The following ARAP2 variants were observed in gnomAD, a reference collection of about 807,000 sequenced individuals.
The protein encoded by ARAP2 is arf-GAP with Rho-GAP domain, ANK repeat and PH domain-containing protein 2.
Under a neutral mutation model 194.5 loss-of-function variants are expected in ARAP2, and 148 were observed. The observed-to-expected ratio is 0.76, with a 90% CI of 0.67 to 0.87. ARAP2 has a LOEUF of 0.87. ARAP2 is among the 40% of genes least tolerant of loss of function. The probability of loss-of-function intolerance (pLI) is 0.00; values close to 1 mark genes in which losing one functional copy is unlikely to be tolerated. For missense variants in ARAP2, 2,128 were observed against 1,989.7 expected, an observed-to-expected ratio of 1.07 and a Z score of -1.32; for synonymous variants, 695 against 683.5, an observed-to-expected ratio of 1.02 and a Z score of -0.26.
rs558156932 is a variant in ARAP2, at chr4:36,006,792, T to A, written n.1469+111A>T. ...AAATTCAAGAGGAAGTGACCTTTTA[T>A]ATAACATATACAAGCAAAGTATATT... On this transcript the variant is annotated intron_variant and non_coding_transcript_variant, in intron 10 of 12. Transcript: ENST00000503225. The A allele has an allele frequency of 2.4e-4, 37 of 152,324 alleles. 1 individual carries two copies. In the South Asian group the frequency reaches 7.7e-3, roughly 32 times the overall value. 9.4% of individuals were successfully genotyped at this position (152,324 alleles called of 1,614,324 possible). A position where few individuals can be genotyped will look rare whatever the true frequency, so the allele number is the denominator to read the frequency against.
intron 8 of ARAP2, among the ~76,000 whole-genome samples, chr4:36,182,468 C>G (rs1279581612): frequency 6.6e-6 from 1 of 151,122 alleles, no homozygotes; most frequent in South Asian, 2.1e-4. Flanking sequence ...TGCACTCCAG[C>G]CTGTGTGACA....
intron 26 of ARAP2, among the ~76,000 whole-genome samples, chr4:36,109,836 A>G (rs551936947): frequency 7.7e-5 from 11 of 143,290 alleles, no homozygotes; most frequent in East Asian, 4.3e-4. Flanking sequence ...TACATTAGGT[A>G]TATCACCTAA....
rs1754213274 is a variant in ARAP2 at position 36,244,300 on chromosome 4, C to T, written c.-281G>A. 1 of 151,898 alleles carries T rather than the reference C, an allele frequency of 6.6e-6. No individual in the cohort carries two copies. The highest frequency in any genetic ancestry group is 1.5e-5 in the Non-Finnish European group (1 of 67,942). The allele number at this position is 151,898 out of a possible 1,614,324, so 9.4% of individuals were successfully genotyped here. The stretch of plus-strand genomic sequence containing the variant: ...CCCTCTGCCGGAGGCGCCAGGCCTC[C>T]TCTTTCCCGGTCCCCGCCGGCTGTC... On this transcript the variant is annotated 5_prime_UTR_variant, in exon 1 of 33. Transcript: ENST00000303965.
intron 6 of ARAP2, among the ~76,000 whole-genome samples, chr4:36,202,665 CTTT>C (rs1744625359): frequency 6.6e-6 from 1 of 152,128 alleles, no homozygotes; most frequent in African/African-American, 2.4e-5. Context: ...ATTCACACTT[CTTT>C]ATTTTATGGA....
intron 27 of ARAP2, among the ~76,000 whole-genome samples, chr4:36,105,823 TA>T (rs2109456586): frequency 6.6e-6 from 1 of 152,130 alleles, no homozygotes; most frequent in Admixed American, 6.6e-5. Context: ...ATCTAATTCT[TA>T]TCCATTTTTA....
chr4:36,185,343 G>A (rs1228964154), intron 8 of ARAP2, among the ~76,000 whole-genome samples: 1 of 152,036 alleles, frequency 6.6e-6, no homozygotes, highest in Non-Finnish European at 1.5e-5. Flanking sequence ...TTTAAGCAAT[G>A]CACTTTGATA....
At chr4:36,088,310 C>T (rs886264094) in intron 28 of ARAP2, among the ~76,000 whole-genome samples, 1 of 152,058 alleles carries the variant, frequency 6.6e-6, no homozygotes, top group South Asian at 2.1e-4. Flanking sequence ...CAAAACCAAA[C>T]ACAATTCTAT....
intron 5 of ARAP2, among the ~76,000 whole-genome samples, chr4:36,023,881 A>T (rs1717437713): frequency 6.6e-6 from 1 of 152,176 alleles, no homozygotes; most frequent in Admixed American, 6.6e-5. Context: ...TTTGAAGAAG[A>T]ATTTAAAGAT....
chr4:36,119,796 A>G, intron 23 of ARAP2, 78 bp from the exon 24 acceptor site: 1 of 997,488 alleles, frequency 1.0e-6, no homozygotes, highest in Non-Finnish European at 1.5e-6. Flanking sequence ...TGTAATCTTC[A>G]GGAATTTAAA....
At chr4:36,121,433 G>A in intron 22 of ARAP2, 107 bp from the exon 23 acceptor site, 1 of 1,023,762 alleles carries the variant, frequency 9.8e-7, no homozygotes. Context: ...GGAATTCTCT[G>A]ACATAAAAGA....
intron 19 of ARAP2, among the ~76,000 whole-genome samples, chr4:36,134,212 T>C (rs1332540370): frequency 6.6e-6 from 1 of 151,814 alleles, no homozygotes; most frequent in Non-Finnish European, 1.5e-5. Flanking sequence ...ATGTATAAAC[T>C]ATACTACTAA....
intron 17 of ARAP2, 83 bp from the exon 18 acceptor site, chr4:36,147,829 A>G: frequency 7.0e-6 from 8 of 1,139,882 alleles, no homozygotes; most frequent in Non-Finnish European, 8.5e-6. Context: ...GAGAAGGTAG[A>G]CAAATTATCT....
At chr4:36,082,176 C>A (rs1577791557) in intron 30 of ARAP2, 75 bp downstream of exon 30, 2 of 1,350,598 alleles carry the variant, frequency 1.5e-6, no homozygotes, top group South Asian at 1.3e-5. Flanking sequence ...GTTCTATCTG[C>A]AATTACTGAA....
At chr4:36,017,933 C>A (rs1186196277) in intron 6 of ARAP2, among the ~76,000 whole-genome samples, 1 of 152,004 alleles carries the variant, frequency 6.6e-6, no homozygotes, top group Admixed American at 6.6e-5. Context: ...GAAATAATAA[C>A]AAAAATCATG....
At chr4:36,184,409 A>G (rs1336219747) in intron 8 of ARAP2, among the ~76,000 whole-genome samples, 1 of 152,158 alleles carries the variant, frequency 6.6e-6, no homozygotes, top group Non-Finnish European at 1.5e-5. Context: ...CAGTGTTTTC[A>G]CTGAAGCAAT....
At position 36,078,299 on chromosome 4, in the gene ARAP2, G is replaced by A. The variant is rs573536084; in HGVS notation, c.4608+1917C>T. On this transcript the variant is annotated intron_variant, in intron 31 of 32. Transcript: ENST00000303965. ...GGATGCTAAGGGTGATAGCCTGAAG[G>A]TCTAAGTCATCTGAAGGTCAGGAAA... is the stretch of plus-strand genomic sequence containing the variant. 5.9e-5 allele frequency among the ~76,000 whole-genome samples: 9 copies of A among 152,182 alleles called. No homozygotes were observed. The South Asian group carries it at 1.9e-3, about 32-fold the overall frequency.
intron 26 of ARAP2, among the ~76,000 whole-genome samples, chr4:36,107,988 T>C (rs1367867729): frequency 6.6e-6 from 1 of 151,886 alleles, no homozygotes; most frequent in Non-Finnish European, 1.5e-5. Context: ...ATCTCAGAAT[T>C]CTACCTTTTG....
intron 3 of ARAP2, among the ~76,000 whole-genome samples, chr4:36,048,827 T>C (rs4376169): frequency 0.81 from 123,611 of 151,976 alleles, 51,112 homozygotes; most frequent in Middle Eastern, 0.92. Flanking sequence ...AATTACATTC[T>C]CACTAGCAGT....
intron 5 of ARAP2, among the ~76,000 whole-genome samples, chr4:36,040,940 C>T (rs1720760757): frequency 6.6e-6 from 1 of 151,938 alleles, no homozygotes; most frequent in Non-Finnish European, 1.5e-5. Context: ...GTGCTTCCAG[C>T]TTCCAGTATG....
Sources: allele counts gnomAD v4.1 joint callset (sites outside exome capture counted in the v4.1 genomes callset), GRCh38; gene constraint gnomAD v4.1.1; transcripts MANE v1.5; gene names NCBI Gene and HGNC (gene_info 2026-07-23, HGNC 2026-07-21).